ARIH1: variants seen among roughly 807,000 people sequenced by gnomAD.
The protein encoded by ARIH1 is ariadne RBR E3 ubiquitin protein ligase 1.
Under a neutral mutation model 85.0 loss-of-function variants are expected in ARIH1, and 8 were observed. The observed-to-expected ratio is 0.09, with a 90% CI of 0.06 to 0.17. ARIH1 has a LOEUF of 0.17. Among genes scored for constraint, ARIH1 ranks in the 10% least tolerant of loss-of-function variants. The pLI, the probability that ARIH1 is intolerant of heterozygous loss-of-function variation, is 1.00. For synonymous variants in ARIH1, 238 were observed against 253.6 expected, an observed-to-expected ratio of 0.94 and a Z score of 0.59; for missense variants, 311 against 718.1, an observed-to-expected ratio of 0.43 and a Z score of 6.48.
chr15:72,574,835 C>G (rs2064262759), intron 11 of ARIH1, among the ~76,000 whole-genome samples: 1 of 151,950 alleles, frequency 6.6e-6, no homozygotes, highest in African/African-American at 2.4e-5. Flanking sequence ...CTTTGGGAGG[C>G]CAAGGCCAAG....
At chr15:72,569,315 AAG>A (rs1304926921) in intron 9 of ARIH1, among the ~76,000 whole-genome samples, 6 of 152,208 alleles carry the variant, frequency 3.9e-5, no homozygotes, top group Admixed American at 2.0e-4. Flanking sequence ...CAAAAAGAAA[AAG>A]AAAATGATTT....
At chr15:72,555,442 A>T in intron 4 of ARIH1, 79 bp downstream of exon 4, 1 of 958,428 alleles carries the variant, frequency 1.0e-6, no homozygotes, top group Non-Finnish European at 1.6e-6. Flanking sequence ...TGCACAAATA[A>T]AAACAGGTGA....
intron 6 of ARIH1, among the ~76,000 whole-genome samples, chr15:72,561,967 C>T (rs1048451214): frequency 6.6e-6 from 1 of 151,574 alleles, no homozygotes; most frequent in Non-Finnish European, 1.5e-5. Flanking sequence ...AGCGAGACTC[C>T]CTCTTAATAA....
At position 72,599,528 on chromosome 15, in the gene ARIH1, T is replaced by C. The variant is rs1389392550; in HGVS notation, c.*16236T>C. The C allele has an allele frequency of 1.3e-5, 2 of 152,184 alleles. No homozygotes were observed. Among genetic ancestry groups the C allele is most frequent in the African/African-American group, 2.4e-5 (1 of 41,432 alleles). 9.4% of individuals were successfully genotyped at this position (152,184 alleles called of 1,614,324 possible). A position where few individuals can be genotyped will look rare whatever the true frequency, so the allele number is the denominator to read the frequency against. ...CAATATCTCTTCCTTTTATTTTTTA[T>C]TTTTTGTAGAGACAGGGGTCTCACT... is the stretch of plus-strand genomic sequence containing the variant. On this transcript the variant is annotated 3_prime_UTR_variant, in exon 14 of 14. Transcript: ENST00000379887.
intron 11 of ARIH1, among the ~76,000 whole-genome samples, chr15:72,578,847 C>T (rs1386435949): frequency 5.3e-5 from 7 of 132,704 alleles, no homozygotes; most frequent in South Asian, 2.5e-4. Context: ...GGTAGAGTCT[C>T]GTTCTCTCCC....
In ARIH1 at chr15:72,518,843, A is replaced by G. The variant is rs1439611152; in HGVS notation, c.443+709A>G. Among the ~76,000 whole-genome samples, 2 of 152,060 alleles carry G rather than the reference A, an allele frequency of 1.3e-5. 1 individual carries two copies. The highest frequency in any genetic ancestry group is 2.9e-5 in the Non-Finnish European group (2 of 67,996). On this transcript the variant is annotated intron_variant, in intron 2 of 13. Transcript: ENST00000379887. ...AAACCTTTAACCTGTTATTAGTAGC[A>G]TTTATTCAGTAGAAACAAAATTGAG... is the stretch of plus-strand genomic sequence containing the variant.
In ARIH1 at chr15:72,595,137, A is replaced by G. The variant is rs2064358726; in HGVS notation, c.*11845A>G. The G allele has an allele frequency of 6.6e-6, 1 of 152,080 alleles. No homozygotes were observed. Among genetic ancestry groups the G allele is most frequent in the Admixed American group, 6.5e-5 (1 of 15,278 alleles). 9.4% of individuals were successfully genotyped at this position (152,080 alleles called of 1,614,324 possible). A position where few individuals can be genotyped will look rare whatever the true frequency, so the allele number is the denominator to read the frequency against. ...GATGGTATGTTACAGGGGTTGGCAA[A>G]CTGTGGCCCATGGGCCAGATCCAGC... On this transcript the variant is annotated 3_prime_UTR_variant, in exon 14 of 14. Coordinates refer to ENST00000379887, the MANE Select transcript of ARIH1 (RefSeq NM_005744.5).
At chr15:72,559,690 G>A (rs1324041912) in intron 5 of ARIH1, among the ~76,000 whole-genome samples, 16 of 151,972 alleles carry the variant, frequency 1.1e-4, no homozygotes, top group Non-Finnish European at 2.4e-4. Context: ...GCAGTCATTC[G>A]CTATTCCTTT....
intron 2 of ARIH1, among the ~76,000 whole-genome samples, chr15:72,540,409 T>C (rs2064101907): frequency 6.6e-6 from 1 of 152,118 alleles, no homozygotes; most frequent in South Asian, 2.1e-4. Context: ...TAAGTATTAA[T>C]TACATAGGCC....
intron 2 of ARIH1, among the ~76,000 whole-genome samples, chr15:72,520,918 A>G (rs1595859888): frequency 6.6e-6 from 1 of 151,844 alleles, no homozygotes; most frequent in South Asian, 2.1e-4. Flanking sequence ...ATCATGGCTC[A>G]CTATAGCCTT....
chr15:72,555,069 C>A (rs1441317267), intron 3 of ARIH1, among the ~76,000 whole-genome samples: 2 of 152,148 alleles, frequency 1.3e-5, no homozygotes, highest in Non-Finnish European at 2.9e-5. Flanking sequence ...TTGTTGCCCG[C>A]CTTTCCTAAG....
At chr15:72,535,056 A>T (rs923719124) in intron 2 of ARIH1, among the ~76,000 whole-genome samples, 1 of 139,202 alleles carries the variant, frequency 7.2e-6, no homozygotes, top group African/African-American at 2.5e-5. Context: ...GGTTCATGCC[A>T]TTCTCCTGCC....
At chr15:72,530,041 T>G (rs2064048773) in intron 2 of ARIH1, among the ~76,000 whole-genome samples, 1 of 152,212 alleles carries the variant, frequency 6.6e-6, no homozygotes, top group Admixed American at 6.5e-5. Flanking sequence ...AATATTGTCC[T>G]GACTTACAAT....
At chr15:72,515,395 A>T (rs1348318129) in intron 1 of ARIH1, among the ~76,000 whole-genome samples, 1 of 152,190 alleles carries the variant, frequency 6.6e-6, no homozygotes, top group African/African-American at 2.4e-5. Flanking sequence ...GTCTTTGATA[A>T]TTGTAATATC....
chr15:72,551,625 TAATG>T (rs1371475682), intron 3 of ARIH1, among the ~76,000 whole-genome samples: 3 of 152,310 alleles, frequency 2.0e-5, no homozygotes, highest in East Asian at 1.9e-4. Flanking sequence ...AAATAAAAGT[TAATG>T]AATTCACAAG....
At chr15:72,553,768 T>C (rs140026260) in intron 3 of ARIH1, among the ~76,000 whole-genome samples, 1 of 152,260 alleles carries the variant, frequency 6.6e-6, no homozygotes, top group Non-Finnish European at 1.5e-5. Flanking sequence ...AATACAAAAA[T>C]TAGCTGGGCG....
chr15:72,507,479 C>A (rs554147806), intron 1 of ARIH1, among the ~76,000 whole-genome samples: 38 of 152,048 alleles, frequency 2.5e-4, no homozygotes, highest in Admixed American at 1.3e-4. Flanking sequence ...CCCCCTCAGT[C>A]CTCTTCCTCA....
chr15:72,587,376 C>T lies in ARIH1; in HGVS notation c.*4084C>T, dbSNP rs1358810007. ...CTATCACTGCTACTGTTAGAGGTTG[C>T]TCTATACTATCTCTGATCTTTCATT... On this transcript the variant is annotated 3_prime_UTR_variant, in exon 14 of 14. Transcript: ENST00000379887. 1 of 424,916 alleles carries T rather than the reference C, an allele frequency of 2.4e-6. No homozygotes were observed. Among genetic ancestry groups the T allele is most frequent in the Admixed American group, 2.8e-5 (1 of 35,894 alleles). The allele number at this position is 424,916 out of a possible 1,614,324, so 26.3% of individuals were successfully genotyped here.
Position 72,587,454 on chromosome 15 carries a change from T to A in ARIH1, c.*4162T>A, listed in dbSNP as rs959176689. 9.4e-5 allele frequency: 28 copies of A among 298,200 alleles called. 1 individual carries two copies. The highest frequency in any genetic ancestry group is 1.8e-4 in the Non-Finnish European group (28 of 152,376). The allele number at this position is 298,200 out of a possible 1,614,324, so 18.5% of individuals were successfully genotyped here. On this transcript the variant is annotated 3_prime_UTR_variant, in exon 14 of 14. Transcript: ENST00000379887. ...GAATAAGTGGTTTAGTATGATTTGC[T>A]TAATAGTACCCAAGTAATTTGCAGT...
Sources: gnomAD v4.1 joint callset for allele counts (sites outside exome capture counted in the v4.1 genomes callset) on GRCh38, gnomAD v4.1.1 for gene constraint, MANE v1.5 for transcripts, NCBI Gene and HGNC (gene_info 2026-07-23, HGNC 2026-07-21) for gene names.